The following EYS variants were observed in gnomAD, a reference collection of about 807,000 sequenced individuals.
EYS encodes the protein protein eyes shut homolog.
EYS carries 250 observed loss-of-function variants against 282.1 expected under a neutral mutation model. The ratio of observed to expected loss-of-function variants is 0.89; its 90% CI spans 0.80 to 0.98. EYS has a LOEUF of 0.98. Ranked by LOEUF, EYS falls within the 50% of genes least tolerant of loss-of-function variation. The pLI, the probability that EYS is intolerant of heterozygous loss-of-function variation, is 0.00. For synonymous variants in EYS, 1,355 were observed against 1,282.9 expected (o/e 1.06, Z -1.20); for missense variants, 4,016 against 3,709.0 (o/e 1.08, Z -2.15).
At chr6:64,140,151 C>T (rs966044022) in intron 31 of EYS, among the ~76,000 whole-genome samples, 5 of 152,082 alleles carry the variant, frequency 3.3e-5, no homozygotes, top group Admixed American at 1.3e-4. Context: ...AAAAACAGAA[C>T]ATCTGGGCCA....
intron 5 of EYS, among the ~76,000 whole-genome samples, chr6:65,420,705 T>C (rs917047860): frequency 6.6e-6 from 1 of 151,922 alleles, no homozygotes; most frequent in East Asian, 1.9e-4. Context: ...ACAAAAAGCA[T>C]TTCTTAAATA....
At chr6:65,579,547 G>C (rs113550885) in intron 2 of EYS, among the ~76,000 whole-genome samples, 2,049 of 152,190 alleles carry the variant, frequency 0.013, 36 homozygotes, top group Non-Finnish European at 0.018. Flanking sequence ...CAGGGTGCCA[G>C]CACGGTGAGG....
intron 12 of EYS, among the ~76,000 whole-genome samples, chr6:65,189,990 T>C (rs929348814): frequency 6.6e-6 from 1 of 151,644 alleles, no homozygotes; most frequent in African/African-American, 2.4e-5. Context: ...AGACAGCATG[T>C]AGGTCATGCT....
At chr6:64,861,593 C>T (rs1766241088) in intron 19 of EYS, among the ~76,000 whole-genome samples, 1 of 152,196 alleles carries the variant, frequency 6.6e-6, no homozygotes. Context: ...GAAGGCAAGG[C>T]TTCCACCCTG....
chr6:65,254,366 TGAA>T, intron 12 of EYS, among the ~76,000 whole-genome samples: 1 of 151,934 alleles, frequency 6.6e-6, no homozygotes, highest in East Asian at 1.9e-4. Context: ...TTGAATAAAG[TGAA>T]GAAGATCCTA....
At chr6:65,109,656 A>G (rs1276942788) in intron 12 of EYS, among the ~76,000 whole-genome samples, 3 of 120,246 alleles carry the variant, frequency 2.5e-5, no homozygotes, top group African/African-American at 9.5e-5. Context: ...AACTCCTTAC[A>G]TAAAAAAAAA....
At chr6:63,905,996 A>C (rs1773771388) in intron 35 of EYS, among the ~76,000 whole-genome samples, 1 of 152,198 alleles carries the variant, frequency 6.6e-6, no homozygotes. Flanking sequence ...CAATCCCTGA[A>C]GCTCATTTGA....
Position 64,757,183 on chromosome 6 carries a change from G to A in EYS, c.3443+56195C>T, listed in dbSNP as rs139489190. On this transcript the variant is annotated intron_variant, in intron 22 of 42. Transcript: ENST00000503581. ...AGGAAGACATACTCTGTTATGACCT[G>A]ATGTTTTTTGTCTGTAAGAAATGTG... Among the ~76,000 whole-genome samples, 153 of 152,210 alleles carry A rather than the reference G, an allele frequency of 1.0e-3. 2 individuals carry two copies. In the Middle Eastern group the frequency reaches 0.017, roughly 17 times the overall value.
intron 12 of EYS, among the ~76,000 whole-genome samples, chr6:65,074,604 C>T (rs1773992809): frequency 6.6e-6 from 1 of 152,034 alleles, no homozygotes; most frequent in African/African-American, 2.4e-5. Flanking sequence ...ATTATTCCCT[C>T]TATAGCAGTG....
intron 41 of EYS, among the ~76,000 whole-genome samples, chr6:63,729,246 A>G (rs1444544757): frequency 6.6e-6 from 1 of 152,032 alleles, no homozygotes; most frequent in Non-Finnish European, 1.5e-5. Flanking sequence ...ATATTTTGCA[A>G]ATATTTTCTG....
intron 22 of EYS, among the ~76,000 whole-genome samples, chr6:64,731,826 A>T (rs752277210): frequency 2.0e-5 from 3 of 152,206 alleles, no homozygotes; most frequent in Non-Finnish European, 4.4e-5. Context: ...TACCCAAAGG[A>T]TTATAAATCA....
In EYS at chr6:65,611,688, G is replaced by A. The variant is rs9453344; in HGVS notation, c.-333+28090C>T. Reference sequence around the variant, plus strand: ...GTATGGCATTTGCGATTTATCGCAAGATTTCTATACCTTTACAGTACAGTT... The same window carrying A: ...GTATGGCATTTGCGATTTATCGCAAAATTTCTATACCTTTACAGTACAGTT... On this transcript the variant is annotated intron_variant, in intron 2 of 42. Coordinates refer to ENST00000503581, the MANE Select transcript of EYS (RefSeq NM_001142800.2). Among the ~76,000 whole-genome samples, 84 of 152,206 alleles carry A rather than the reference G, an allele frequency of 5.5e-4. 1 individual carries two copies. The highest frequency in any genetic ancestry group is 1.9e-3 in the African/African-American group (78 of 41,578).
At chr6:64,756,885 CTTT>C (rs5876921) in intron 22 of EYS, among the ~76,000 whole-genome samples, 4 of 137,722 alleles carry the variant, frequency 2.9e-5, no homozygotes, top group Non-Finnish European at 3.2e-5. Context: ...AGCATCAGTG[CTTT>C]TTTTTTTTTT....
intron 35 of EYS, among the ~76,000 whole-genome samples, chr6:63,954,927 A>C (rs1765750234): frequency 6.6e-6 from 1 of 152,116 alleles, no homozygotes; most frequent in Non-Finnish European, 1.5e-5. Flanking sequence ...ATAACTTCTC[A>C]GTGTTCTGTC....
At chr6:64,705,281 T>A (rs139293509) in intron 22 of EYS, among the ~76,000 whole-genome samples, 48 of 151,868 alleles carry the variant, frequency 3.2e-4, no homozygotes, top group Non-Finnish European at 6.2e-4. Flanking sequence ...ACCAATGAAG[T>A]GAAAAATGTC....
chr6:64,712,064 C>G (rs1771232762), intron 22 of EYS, among the ~76,000 whole-genome samples: 1 of 152,210 alleles, frequency 6.6e-6, no homozygotes, highest in Admixed American at 6.5e-5. Flanking sequence ...TAACTCGTAA[C>G]TTGGCTTTCA....
intron 19 of EYS, among the ~76,000 whole-genome samples, chr6:64,881,975 G>A (rs1766935346): frequency 6.6e-6 from 1 of 151,744 alleles, no homozygotes; most frequent in Non-Finnish European, 1.5e-5. Context: ...TTTTCAAAGT[G>A]CAATTTCAAT....
At chr6:65,530,379 TAC>T (rs1767720343) in intron 2 of EYS, among the ~76,000 whole-genome samples, 1 of 152,122 alleles carries the variant, frequency 6.6e-6, no homozygotes, top group Non-Finnish European at 1.5e-5. Flanking sequence ...TCTTTGTAAA[TAC>T]AGTTTTTCAA....
intron 21 of EYS, among the ~76,000 whole-genome samples, chr6:64,813,997 T>C (rs1764676662): frequency 6.6e-6 from 1 of 152,030 alleles, no homozygotes; most frequent in African/African-American, 2.4e-5. Flanking sequence ...AGTACTTCCA[T>C]TAAATTTCAA....
Sources: gnomAD v4.1 joint callset for allele counts (sites outside exome capture counted in the v4.1 genomes callset) on GRCh38, gnomAD v4.1.1 for gene constraint, MANE v1.5 for transcripts, NCBI Gene and HGNC (gene_info 2026-07-23, HGNC 2026-07-21) for gene names.